Variants in TRPC4 observed in about 807,000 individuals in gnomAD.
TRPC4 encodes transient receptor potential cation channel subfamily C member 4.
In TRPC4, 49 loss-of-function variants were observed where a neutral mutation model predicts 99.4. The observed-to-expected ratio is 0.49, with a 90% CI of 0.39 to 0.63. The LOEUF (loss-of-function observed/expected upper bound fraction) is 0.63. Among genes scored for constraint, TRPC4 ranks in the 20% least tolerant of loss-of-function variants. TRPC4 has a pLI of 0.00. For synonymous variants in TRPC4, 454 were observed against 425.9 expected (o/e 1.07, Z -0.81); for missense variants, 898 against 1,152.9 (o/e 0.78, Z 3.20).
chr13:37,818,874 A>G (rs1957936198), intron 1 of TRPC4, among the ~76,000 whole-genome samples: 1 of 152,022 alleles, frequency 6.6e-6, no homozygotes, highest in South Asian at 2.1e-4. Flanking sequence ...TAGGTGCAGC[A>G]AACCACCATG....
intron 2 of TRPC4, among the ~76,000 whole-genome samples, chr13:37,778,658 A>C (rs1956766847): frequency 6.6e-6 from 1 of 151,920 alleles, no homozygotes; most frequent in African/African-American, 2.4e-5. Flanking sequence ...TTAAAACCAA[A>C]ATTTCTTCAG....
intron 10 of TRPC4, among the ~76,000 whole-genome samples, chr13:37,638,565 A>G (rs1951607308): frequency 6.6e-6 from 1 of 152,188 alleles, no homozygotes; most frequent in Non-Finnish European, 1.5e-5. Context: ...TGATTCAAGC[A>G]TATAATATTT....
At chr13:37,642,769 C>G (rs1283770936) in intron 8 of TRPC4, among the ~76,000 whole-genome samples, 1 of 146,356 alleles carries the variant, frequency 6.8e-6, no homozygotes, top group Non-Finnish European at 1.5e-5. Context: ...TAGAATCTCA[C>G]TCTGTCACCA....
At chr13:37,797,404 A>T (rs1170423243) in intron 1 of TRPC4, among the ~76,000 whole-genome samples, 1 of 152,158 alleles carries the variant, frequency 6.6e-6, no homozygotes, top group Non-Finnish European at 1.5e-5. Flanking sequence ...ATGATAAATT[A>T]AAACCAGGAG....
chr13:37,811,967 A>C (rs1288134213), intron 1 of TRPC4, among the ~76,000 whole-genome samples: 1 of 152,004 alleles, frequency 6.6e-6, no homozygotes, highest in African/African-American at 2.4e-5. Flanking sequence ...GGTCAAGACC[A>C]GCCAGGCCAA....
At chr13:37,814,305 T>C (rs920708700) in intron 1 of TRPC4, among the ~76,000 whole-genome samples, 2 of 150,934 alleles carry the variant, frequency 1.3e-5, no homozygotes, top group African/African-American at 4.9e-5. Context: ...TTGTCAACAA[T>C]ATACTAGAGG....
chr13:37,842,353 A>T (rs1284692370), intron 1 of TRPC4, among the ~76,000 whole-genome samples: 1 of 143,242 alleles, frequency 7.0e-6, no homozygotes, highest in East Asian at 2.0e-4. Flanking sequence ...CAAAAAAAAA[A>T]AAAAAAAAAA....
rs550876643 is a variant in TRPC4 at position 37,829,691 on chromosome 13, G to A, written c.-28+39904C>T. Among the ~76,000 whole-genome samples the A allele has an allele frequency of 2.6e-4, 39 of 152,230 alleles. No homozygotes were observed. In the South Asian group the frequency reaches 2.7e-3, roughly 11 times the overall value. On this transcript the variant is annotated intron_variant, in intron 1 of 10. Transcript: ENST00000379705. ...ATATATGTCACACAGAAATTTGTACGTGAATGTTTATAGTAGCACTGTTCA... is the reference window on the plus strand; with the variant it reads ...ATATATGTCACACAGAAATTTGTACATGAATGTTTATAGTAGCACTGTTCA...
At position 37,673,535 on chromosome 13, in the gene TRPC4, A is replaced by T. The variant is rs377293632; in HGVS notation, c.1374+693T>A. 6.6e-5 allele frequency among the ~76,000 whole-genome samples: 10 copies of T among 152,188 alleles called. No homozygotes were observed. The East Asian group carries it at 1.4e-3, about 21-fold the overall frequency. On this transcript the variant is annotated intron_variant, in intron 5 of 10. Coordinates refer to ENST00000379705, the MANE Select transcript of TRPC4 (RefSeq NM_016179.4). ...TTTATTTTTTTAAAGAGAAAAGGAAAGGGGGAAAAGGAAAATCAGTGAAGG... is the reference window on the plus strand; with the variant it reads ...TTTATTTTTTTAAAGAGAAAAGGAATGGGGGAAAAGGAAAATCAGTGAAGG...
intron 2 of TRPC4, among the ~76,000 whole-genome samples, chr13:37,776,957 A>G (rs1431228991): frequency 6.6e-6 from 1 of 151,934 alleles, no homozygotes; most frequent in Non-Finnish European, 1.5e-5. Flanking sequence ...ATTTTGGGTT[A>G]TATATTTGCA....
At chr13:37,662,031 C>T (rs530099763) in intron 6 of TRPC4, among the ~76,000 whole-genome samples, 46 of 152,092 alleles carry the variant, frequency 3.0e-4, no homozygotes, top group African/African-American at 1.0e-3. Context: ...GCTGGAAGGC[C>T]GGCGAAGTGG....
At chr13:37,691,351 G>A (rs543531973) in intron 4 of TRPC4, among the ~76,000 whole-genome samples, 1 of 152,186 alleles carries the variant, frequency 6.6e-6, no homozygotes, top group East Asian at 1.9e-4. Flanking sequence ...TGATCCGCCC[G>A]CCTCGGCCTC....
intron 3 of TRPC4, among the ~76,000 whole-genome samples, chr13:37,745,318 C>T (rs1207904416): frequency 6.6e-6 from 1 of 151,178 alleles, no homozygotes; most frequent in Non-Finnish European, 1.5e-5. Flanking sequence ...AAAAATCAGC[C>T]TTCCATATCT....
intron 1 of TRPC4, among the ~76,000 whole-genome samples, chr13:37,824,622 C>A (rs892144372): frequency 9.2e-5 from 14 of 151,984 alleles, no homozygotes; most frequent in Non-Finnish European, 1.6e-4. Flanking sequence ...AGGGATGAAG[C>A]CCACTTGACC....
In TRPC4 at chr13:37,663,670, C is replaced by T. The variant is rs376245271; in HGVS notation, c.1434G>A (p.Glu478=). 5.1e-5 allele frequency: 83 copies of T among 1,614,014 alleles called. No individual in the cohort carries two copies. Among genetic ancestry groups the T allele is most frequent in the Non-Finnish European group, 6.5e-5 (77 of 1,180,014 alleles). Residue 478 remains glutamate (E), a synonymous_variant, in exon 6 of 11, where the codon GAG becomes GAA. Transcript: ENST00000379705. ...AGATGTTTGCAATAGCAAATAAAGC[C>T]TCTGCCACCAGAGTGGGATGCCACA... is the stretch of plus-strand genomic sequence containing the variant. ...WDMWHPTLVA[E]ALFAIANIFS... is the part of the protein sequence containing the mutation.
chr13:37,802,612 T>C (rs1957431430), intron 1 of TRPC4, among the ~76,000 whole-genome samples: 1 of 152,098 alleles, frequency 6.6e-6, no homozygotes, highest in Non-Finnish European at 1.5e-5. Flanking sequence ...TTAACCTTGA[T>C]CACTTGGTTA....
chr13:37,718,293 A>G (rs1270816954), intron 3 of TRPC4, among the ~76,000 whole-genome samples: 1 of 151,918 alleles, frequency 6.6e-6, no homozygotes, highest in African/African-American at 2.4e-5. Flanking sequence ...ACACACGCAC[A>G]TACACACAAA....
intron 3 of TRPC4, among the ~76,000 whole-genome samples, chr13:37,698,726 T>C (rs1056673800): frequency 3.9e-5 from 6 of 152,106 alleles, no homozygotes; most frequent in Non-Finnish European, 7.4e-5. Flanking sequence ...TGAACTCTTG[T>C]GCAAGTGGAA....
chr13:37,792,417 T>C lies in TRPC4; in HGVS notation c.-27-9057A>G, dbSNP rs145376451. On this transcript the variant is annotated intron_variant, in intron 1 of 10. Transcript: ENST00000379705. ...GGAATATATTTAGATGTATATACGA[T>C]GTAAAAACAAGAACGCGTGCATAAA... Among the ~76,000 whole-genome samples the C allele has an allele frequency of 6.3e-4, 96 of 152,266 alleles. 2 individuals carry two copies. Among genetic ancestry groups the C allele is most frequent in the East Asian group, 3.9e-3 (20 of 5,180 alleles).
Sources: gnomAD v4.1 joint callset for allele counts (sites outside exome capture counted in the v4.1 genomes callset) on GRCh38, gnomAD v4.1.1 for gene constraint, MANE v1.5 for transcripts, NCBI Gene and HGNC (gene_info 2026-07-23, HGNC 2026-07-21) for gene names.